DOCK4: variants seen among roughly 807,000 people sequenced by gnomAD.
DOCK4 encodes dedicator of cytokinesis 4.
In DOCK4, 97 loss-of-function variants were observed where a neutral mutation model predicts 268.1. The observed-to-expected ratio is 0.36, with a 90% CI of 0.31 to 0.43. DOCK4 has a LOEUF of 0.43. DOCK4 is among the 20% of genes least tolerant of loss of function. DOCK4 has a pLI of 1.00. For missense variants in DOCK4, 2,145 were observed against 2,455.7 expected (o/e 0.87, Z 2.67); for synonymous variants, 954 against 887.2 (o/e 1.08, Z -1.34).
chr7:111,938,568 C>T (rs1300461902), intron 11 of DOCK4, among the ~76,000 whole-genome samples: 2 of 151,930 alleles, frequency 1.3e-5, no homozygotes, highest in South Asian at 2.1e-4. Flanking sequence ...GGAGGTGGCA[C>T]GGTGGTGTGG....
chr7:111,824,396 G>C (rs996238326), intron 26 of DOCK4, among the ~76,000 whole-genome samples: 1 of 152,040 alleles, frequency 6.6e-6, no homozygotes, highest in African/African-American at 2.4e-5. Context: ...TGGTGCATTT[G>C]CTTAGATAGA....
At chr7:112,109,210 T>C (rs1014811195) in intron 1 of DOCK4, among the ~76,000 whole-genome samples, 1 of 152,156 alleles carries the variant, frequency 6.6e-6, no homozygotes, top group Non-Finnish European at 1.5e-5. Context: ...TGGGTGCTCA[T>C]GAGTACTGCA....
chr7:111,743,653 C>T (rs1405823572), intron 44 of DOCK4, among the ~76,000 whole-genome samples: 1 of 152,124 alleles, frequency 6.6e-6, no homozygotes, highest in Non-Finnish European at 1.5e-5. Flanking sequence ...GGGAAGTAGA[C>T]TCCAGCATGG....
chr7:112,066,683 A>ATG (rs1405500495), intron 1 of DOCK4, among the ~76,000 whole-genome samples: 2 of 15,982 alleles, frequency 1.3e-4, no homozygotes, highest in Non-Finnish European at 2.1e-4. Flanking sequence ...ATACATATAT[A>ATG]CATATACATA....
intron 1 of DOCK4, among the ~76,000 whole-genome samples, chr7:112,084,455 T>A (rs982683682): frequency 2.0e-5 from 3 of 152,170 alleles, no homozygotes; most frequent in East Asian, 1.9e-4. Context: ...GATACATGGA[T>A]CTTAGAAGTT....
At chr7:112,032,743 C>G (rs985129844) in intron 1 of DOCK4, among the ~76,000 whole-genome samples, 2 of 152,102 alleles carry the variant, frequency 1.3e-5, no homozygotes, top group Non-Finnish European at 2.9e-5. Flanking sequence ...AAGCCCCACA[C>G]TTGCCTTAAA....
intron 1 of DOCK4, among the ~76,000 whole-genome samples, chr7:112,114,537 A>G (rs1193055014): frequency 2.0e-5 from 3 of 152,234 alleles, no homozygotes; most frequent in Admixed American, 1.3e-4. Context: ...ATATTCCATG[A>G]AAAAACTGTC....
chr7:111,832,826 A>G (rs1039195046), intron 26 of DOCK4, among the ~76,000 whole-genome samples: 8 of 152,238 alleles, frequency 5.3e-5, no homozygotes, highest in African/African-American at 1.7e-4. Context: ...CGCCAGCCTC[A>G]GTAATTTTAA....
chr7:111,998,424 C>T, intron 4 of DOCK4, 24 bp downstream of exon 4: 1 of 1,526,288 alleles, frequency 6.6e-7, no homozygotes, highest in Non-Finnish European at 8.8e-7. Context: ...AATCCTCCAA[C>T]TACTAATAAA....
chr7:111,872,226 G>C (rs780587948), intron 19 of DOCK4, 43 bp downstream of exon 19: 18 of 1,430,530 alleles, frequency 1.3e-5, no homozygotes, highest in Admixed American at 4.6e-5. Context: ...TCAAGATTGA[G>C]AGACAAAACA....
intron 16 of DOCK4, among the ~76,000 whole-genome samples, chr7:111,892,592 T>C (rs1288889563): frequency 6.6e-6 from 1 of 152,224 alleles, no homozygotes; most frequent in Non-Finnish European, 1.5e-5. Context: ...CTAATACCCA[T>C]TTTATTTATC....
At chr7:111,775,821 C>T (rs1798407165) in intron 36 of DOCK4, among the ~76,000 whole-genome samples, 1 of 152,106 alleles carries the variant, frequency 6.6e-6, no homozygotes, top group Non-Finnish European at 1.5e-5. Flanking sequence ...GCTTTGCCCA[C>T]AGAGAGACCA....
intron 1 of DOCK4, among the ~76,000 whole-genome samples, chr7:112,119,613 A>G (rs1405975025): frequency 6.6e-6 from 1 of 152,172 alleles, no homozygotes; most frequent in Non-Finnish European, 1.5e-5. Context: ...TTTCATAAGG[A>G]AACAGAACCG....
chr7:112,129,017 C>T (rs187374078), intron 1 of DOCK4, among the ~76,000 whole-genome samples: 32 of 152,318 alleles, frequency 2.1e-4, no homozygotes, highest in African/African-American at 7.5e-4. Context: ...ACTAAACATG[C>T]ACTTACATAA....
chr7:111,814,545 T>C (rs1801398047), intron 27 of DOCK4, among the ~76,000 whole-genome samples: 1 of 152,174 alleles, frequency 6.6e-6, no homozygotes, highest in African/African-American at 2.4e-5. Flanking sequence ...AAAGTGCAGA[T>C]GATCCAGCAA....
At chr7:112,168,619 C>A (rs1023856358) in intron 1 of DOCK4, among the ~76,000 whole-genome samples, 2 of 152,128 alleles carry the variant, frequency 1.3e-5, no homozygotes, top group African/African-American at 4.8e-5. Flanking sequence ...GTAAGAAGAT[C>A]GCTTGAACCT....
At chr7:111,964,137 A>G (rs1445601836) in intron 8 of DOCK4, among the ~76,000 whole-genome samples, 1 of 148,162 alleles carries the variant, frequency 6.7e-6, no homozygotes, top group Non-Finnish European at 1.5e-5. Flanking sequence ...TGGAAACTCT[A>G]AAACGCAGAG....
At chr7:111,886,622 G>A (rs1163142953) in intron 16 of DOCK4, among the ~76,000 whole-genome samples, 1 of 152,084 alleles carries the variant, frequency 6.6e-6, no homozygotes, top group African/African-American at 2.4e-5. Context: ...AAAGTCAAGG[G>A]AGGGAAGAAA....
chr7:111,768,797 C>T (rs1005336249), intron 37 of DOCK4, among the ~76,000 whole-genome samples: 1 of 152,128 alleles, frequency 6.6e-6, no homozygotes, highest in Non-Finnish European at 1.5e-5. Context: ...ATGCCAATTT[C>T]GGGAGAGTGT....
Sources: gnomAD v4.1 joint callset for allele counts (sites outside exome capture counted in the v4.1 genomes callset) on GRCh38, gnomAD v4.1.1 for gene constraint, MANE v1.5 for transcripts, NCBI Gene and HGNC (gene_info 2026-07-23, HGNC 2026-07-21) for gene names.